Variants in DUSP22 observed in about 807,000 individuals in gnomAD.
DUSP22 encodes the protein dual specificity protein phosphatase 22.
Under a neutral mutation model 24.5 loss-of-function variants are expected in DUSP22, and 24 were observed. The observed-to-expected ratio is 0.98, with a 90% CI of 0.71 to 1.38. The LOEUF (loss-of-function observed/expected upper bound fraction) is 1.38, where lower values mean the gene tolerates loss of function less well. DUSP22 is among the 40% of genes most tolerant of loss of function. The pLI, the probability that DUSP22 is intolerant of heterozygous loss-of-function variation, is 0.00. For synonymous variants in DUSP22, 160 were observed against 106.4 expected (o/e 1.50, Z -3.10); for missense variants, 330 against 269.2 (o/e 1.23, Z -1.58).
At chr6:305,395 T>C (rs1414994103) in intron 2 of DUSP22, among the ~76,000 whole-genome samples, 2 of 152,296 alleles carry the variant, frequency 1.3e-5, no homozygotes, top group African/African-American at 2.4e-5. Context: ...TTAGCAATCA[T>C]GTGACTTATT....
intron 6 of DUSP22, 158 bp from the exon 7 acceptor site, chr6:348,611 C>A: frequency 1.5e-6 from 2 of 1,293,422 alleles, no homozygotes; most frequent in Admixed American, 2.2e-5. Flanking sequence ...TCTTGCTTGA[C>A]CCTGGCTGGC....
chr6:345,870 GA>G lies in DUSP22; in HGVS notation c.208del (p.Ser70ValfsTer27), dbSNP rs1292610276. On this transcript the variant is annotated frameshift_variant, in exon 5 of 7. Transcript: ENST00000419235. LOFTEE classifies it high-confidence loss of function. ...TTTTCCCAGGACAAGACATTTCAAA[GA>G]AAGTATTAAATTCATTCACGAGTGC... ...PSQNLTRHFKESIKFIHECRL... is the reference protein window; with the variant it reads ...PSQNLTRHFKXSIKFIHECRL... 1 of 1,614,240 alleles carries G rather than the reference GA, an allele frequency of 6.2e-7. No individual in the cohort carries two copies.
At chr6:294,040 C>T (rs1480479831) in intron 1 of DUSP22, among the ~76,000 whole-genome samples, 4 of 152,274 alleles carry the variant, frequency 2.6e-5, no homozygotes, top group Non-Finnish European at 5.9e-5. Flanking sequence ...CCCACTTGAG[C>T]TGTTCACTCT....
intron 2 of DUSP22, among the ~76,000 whole-genome samples, chr6:311,278 G>A (rs1182750362): frequency 6.6e-6 from 1 of 152,308 alleles, no homozygotes; most frequent in Non-Finnish European, 1.5e-5. Context: ...GGAGACTGCT[G>A]TTATATTACA....
chr6:305,238 C>A (rs1479243600), intron 2 of DUSP22, among the ~76,000 whole-genome samples: 7 of 152,284 alleles, frequency 4.6e-5, no homozygotes, highest in African/African-American at 1.4e-4. Flanking sequence ...GCACCCAAGC[C>A]CCTTGCTGGG....
At position 296,847 on chromosome 6, in the gene DUSP22, C is replaced by G. The variant is rs538540138; in HGVS notation, c.21+4287C>G. On this transcript the variant is annotated intron_variant, in intron 1 of 6. Transcript: ENST00000419235. Reference sequence around the variant, plus strand: ...AGGACCCTCTGGTTGGCATCTTGCCCTCCACTGACTGCCAGGGTTCGTTTA... The same window carrying G: ...AGGACCCTCTGGTTGGCATCTTGCCGTCCACTGACTGCCAGGGTTCGTTTA... Among the ~76,000 whole-genome samples, 10 of 152,426 alleles carry G rather than the reference C, an allele frequency of 6.6e-5. No individual in the cohort carries two copies. The East Asian group carries it at 1.9e-3, about 29-fold the overall frequency.
chr6:295,784 A>T (rs1380524888), intron 1 of DUSP22, among the ~76,000 whole-genome samples: 1 of 147,490 alleles, frequency 6.8e-6, no homozygotes, highest in East Asian at 2.0e-4. Context: ...TGAGCGACAG[A>T]GCGAGACCCT....
chr6:296,421 G>A (rs1166236482), intron 1 of DUSP22, among the ~76,000 whole-genome samples: 1 of 152,294 alleles, frequency 6.6e-6, no homozygotes, highest in Non-Finnish European at 1.5e-5. Flanking sequence ...TGGACTCAAA[G>A]CCACAGTCTG....
intron 1 of DUSP22, among the ~76,000 whole-genome samples, chr6:295,120 G>A (rs1349249805): frequency 6.6e-6 from 1 of 152,290 alleles, no homozygotes; most frequent in Non-Finnish European, 1.5e-5. Context: ...TCAGCGGAAG[G>A]TGCTACCCCT....
At chr6:323,541 G>A (rs1253891220) in intron 3 of DUSP22, among the ~76,000 whole-genome samples, 1 of 152,306 alleles carries the variant, frequency 6.6e-6, no homozygotes. Context: ...GGCTAGTGGG[G>A]GTTAATCCAC....
At chr6:345,714 C>G in intron 4 of DUSP22, 140 bp from the exon 5 acceptor site, 1 of 1,002,510 alleles carries the variant, frequency 1.0e-6, no homozygotes, top group Non-Finnish European at 1.5e-6. Context: ...ACACTGTAGC[C>G]CATAAATATG....
At chr6:315,478 G>A (rs1316277050) in intron 3 of DUSP22, among the ~76,000 whole-genome samples, 3 of 152,304 alleles carry the variant, frequency 2.0e-5, no homozygotes, top group Admixed American at 2.0e-4. Context: ...GATTTTCCCA[G>A]CATGCCCCAC....
chr6:349,073 G>A lies in DUSP22; in HGVS notation c.*122G>A, dbSNP rs542743183. 175 of 1,475,860 alleles carry A rather than the reference G, an allele frequency of 1.2e-4. No individual in the cohort carries two copies. In the South Asian group the frequency reaches 2.2e-3, roughly 19 times the overall value. 91.4% of individuals were successfully genotyped at this position (1,475,860 alleles called of 1,614,324 possible). On this transcript the variant is annotated 3_prime_UTR_variant, in exon 7 of 7. Coordinates refer to ENST00000419235, the MANE Select transcript of DUSP22 (RefSeq NM_001286555.3). ...AGATAGCCAGGGCGAGGTGGGGCGA[G>A]GGCTCCTTCCCCCAAGCAACACCGC...
At chr6:336,290 C>T (rs2127414510) in intron 4 of DUSP22, among the ~76,000 whole-genome samples, 1 of 152,426 alleles carries the variant, frequency 6.6e-6, no homozygotes, top group South Asian at 2.1e-4. Flanking sequence ...CTGCATGTCA[C>T]AGGGAAGTTG....
At chr6:311,772 A>G in intron 2 of DUSP22, 108 bp from the exon 3 acceptor site, 1 of 1,238,948 alleles carries the variant, frequency 8.1e-7, no homozygotes, top group African/African-American at 1.5e-5. Context: ...AGTTTCAGGA[A>G]AGAAATATGC....
intron 3 of DUSP22, among the ~76,000 whole-genome samples, chr6:314,518 GC>G (rs1213012334): frequency 1.5e-4 from 23 of 152,298 alleles, no homozygotes; most frequent in African/African-American, 5.5e-4. Flanking sequence ...GTTACAAAGG[GC>G]TTTTGGAAAC....
intron 3 of DUSP22, among the ~76,000 whole-genome samples, chr6:333,316 G>T (rs1351914995): frequency 6.6e-6 from 1 of 152,308 alleles, no homozygotes; most frequent in Admixed American, 6.5e-5. Context: ...TTGGTCTTAA[G>T]TGAGATGTTC....
chr6:342,298 AAGAGACCCACAC>A (rs1249753062), intron 4 of DUSP22, among the ~76,000 whole-genome samples: 2 of 152,302 alleles, frequency 1.3e-5, no homozygotes, highest in African/African-American at 4.8e-5. Context: ...TCTGACCAGA[AAGAGACCCACAC>A]AGAACAGACC....
At chr6:348,712 G>A (rs573714319) in intron 6 of DUSP22, 57 bp from the exon 7 acceptor site, 127 of 1,607,120 alleles carry the variant, frequency 7.9e-5, no homozygotes, top group South Asian at 5.9e-4. Flanking sequence ...GCAAGCCCAC[G>A]TGGATGCAGA....
Sources: allele counts gnomAD v4.1 joint callset (sites outside exome capture counted in the v4.1 genomes callset), GRCh38; gene constraint gnomAD v4.1.1; transcripts MANE v1.5; gene names NCBI Gene and HGNC (gene_info 2026-07-23, HGNC 2026-07-21).